KRAS: variants seen among roughly 807,000 people sequenced by gnomAD.
KRAS encodes KRas proto-oncogene, GTPase.
Under a neutral mutation model 21.0 loss-of-function variants are expected in KRAS, and 1 was observed. The observed-to-expected ratio is 0.05, with a 90% CI of 0.02 to 0.23. The LOEUF (loss-of-function observed/expected upper bound fraction) is 0.23, where lower values mean the gene tolerates loss of function less well. KRAS is among the 10% of genes least tolerant of loss of function. The pLI is 1.00. For missense variants in KRAS, 107 were observed against 221.8 expected (o/e 0.48, Z 3.29); for synonymous variants, 67 against 72.5 (o/e 0.92, Z 0.39).
intron 2 of KRAS, among the ~76,000 whole-genome samples, chr12:25,238,828 A>AT: frequency 6.6e-6 from 1 of 152,314 alleles, no homozygotes; most frequent in Admixed American, 6.5e-5. Context: ...GATGATTTCC[A>AT]TTTTTTTAAA....
At chr12:25,223,230 AAAC>A (rs1372206786) in intron 4 of KRAS, among the ~76,000 whole-genome samples, 2 of 152,188 alleles carry the variant, frequency 1.3e-5, no homozygotes, top group African/African-American at 4.8e-5. Context: ...AGCAAATATA[AAAC>A]AACAATGGTA....
At chr12:25,250,032 C>T (rs1951744295) in intron 1 of KRAS, among the ~76,000 whole-genome samples, 1 of 152,114 alleles carries the variant, frequency 6.6e-6, no homozygotes, top group Admixed American at 6.5e-5. Flanking sequence ...CCACCTCCTC[C>T]TTTGTGGCCA....
chr12:25,211,591 CA>C (rs978028188), intron 4 of KRAS, among the ~76,000 whole-genome samples: 4 of 151,690 alleles, frequency 2.6e-5, no homozygotes, highest in Admixed American at 2.0e-4. Context: ...GAAAAAAAAA[CA>C]AAAAATGTTA....
chr12:25,247,027 T>C (rs1297239734), intron 1 of KRAS, among the ~76,000 whole-genome samples: 2 of 152,222 alleles, frequency 1.3e-5, no homozygotes, highest in African/African-American at 2.4e-5. Flanking sequence ...ATTGACAGAT[T>C]GTATAACAAA....
At chr12:25,212,834 C>T (rs11047897) in intron 4 of KRAS, among the ~76,000 whole-genome samples, 74,667 of 151,724 alleles carry the variant, frequency 0.49, 19,287 homozygotes, top group East Asian at 0.8. Flanking sequence ...GCAGTCCTCG[C>T]GCTGTGGACT....
chr12:25,238,270 T>C (rs1032810016), intron 2 of KRAS, among the ~76,000 whole-genome samples: 1 of 152,134 alleles, frequency 6.6e-6, no homozygotes. Context: ...AAAATAACGA[T>C]ATAATGAGCA....
chr12:25,227,516 A>G, intron 2 of KRAS, 104 bp from the exon 3 acceptor site: 1 of 994,928 alleles, frequency 1.0e-6, no homozygotes, highest in Non-Finnish European at 1.5e-6. Flanking sequence ...AAAAATGGGC[A>G]AAGGACTTGA....
chr12:25,230,627 C>A (rs1951454466), intron 2 of KRAS, among the ~76,000 whole-genome samples: 1 of 151,906 alleles, frequency 6.6e-6, no homozygotes, highest in Non-Finnish European at 1.5e-5. Context: ...AAACTCTGTC[C>A]CAAAAAAGAC....
In KRAS at chr12:25,250,875, CGCCGCCGCCACT is replaced by C. The variant is rs727504386; in HGVS notation, c.-148_-137del. 39 of 249,220 alleles carry C rather than the reference CGCCGCCGCCACT, an allele frequency of 1.6e-4. No individual in the cohort carries two copies. Among genetic ancestry groups the C allele is most frequent in the Admixed American group, 2.9e-4 (5 of 17,346 alleles). 15.4% of individuals were successfully genotyped at this position (249,220 alleles called of 1,614,324 possible). A position where few individuals can be genotyped will look rare whatever the true frequency, so the allele number is the denominator to read the frequency against. On this transcript the variant is annotated 5_prime_UTR_variant, in exon 1 of 5. Transcript: ENST00000311936. ...GTACTGGCCGAGCCGCCGCCACCTT[CGCCGCCGCCACT>C]GCCGCCGCCGCTGCTGCCTCCGCCG...
chr12:25,239,483 T>G (rs1260181987), intron 2 of KRAS, among the ~76,000 whole-genome samples: 1 of 152,198 alleles, frequency 6.6e-6, no homozygotes, highest in Non-Finnish European at 1.5e-5. Flanking sequence ...TAAAGTTAAA[T>G]CACTCAATCT....
Position 25,208,058 on chromosome 12 carries a change from C to T in KRAS, c.*1737G>A, listed in dbSNP as rs998049201. ...AACTTCACCTCTTGCACAATTTTGC[C>T]CAAGACTGGCACTGAAGATGGTGTA... On this transcript the variant is annotated 3_prime_UTR_variant, in exon 5 of 5. Transcript: ENST00000311936. 4.3e-6 allele frequency: 1 copy of T among 233,180 alleles called. No individual in the cohort carries two copies. The highest frequency in any genetic ancestry group is 5.6e-5 in the Admixed American group (1 of 17,758). 14.4% of individuals were successfully genotyped at this position (233,180 alleles called of 1,614,324 possible).
chr12:25,213,727 G>T (rs930201090), intron 4 of KRAS, among the ~76,000 whole-genome samples: 6 of 152,266 alleles, frequency 3.9e-5, no homozygotes, highest in African/African-American at 1.4e-4. Flanking sequence ...AGTAGTTTTT[G>T]AAAACTGTAA....
At chr12:25,229,474 CT>C (rs1951437602) in intron 2 of KRAS, among the ~76,000 whole-genome samples, 1 of 152,026 alleles carries the variant, frequency 6.6e-6, no homozygotes, top group South Asian at 2.1e-4. Context: ...CCTCTTTTTT[CT>C]TTTCTAAAAA....
In KRAS at chr12:25,208,994, T is replaced by A. The variant is rs1394398107; in HGVS notation, c.*801A>T. 2.0e-5 allele frequency: 7 copies of A among 349,200 alleles called. No individual in the cohort carries two copies. Among genetic ancestry groups the A allele is most frequent in the Non-Finnish European group, 3.6e-5 (7 of 196,328 alleles). The allele number at this position is 349,200 out of a possible 1,614,324, so 21.6% of individuals were successfully genotyped here. On this transcript the variant is annotated 3_prime_UTR_variant, in exon 5 of 5. Coordinates refer to ENST00000311936, the MANE Select transcript of KRAS (RefSeq NM_004985.5). ...GAATTTTTTATACTTGTTAAAATCTTTTCAATTATTATAAAAATTTAGTAG... is the reference window on the plus strand; with the variant it reads ...GAATTTTTTATACTTGTTAAAATCTATTCAATTATTATAAAAATTTAGTAG...
At chr12:25,215,379 G>T (rs1951242213) in intron 4 of KRAS, 1 of 1,608,194 alleles carries the variant, frequency 6.2e-7, no homozygotes. Context: ...TTGCCACCTT[G>T]TTACCTTTAA....
intron 1 of KRAS, among the ~76,000 whole-genome samples, chr12:25,246,744 G>A (rs553099356): frequency 1.7e-4 from 25 of 151,238 alleles, no homozygotes; most frequent in Admixed American, 1.3e-3. Flanking sequence ...GTGAAACCCC[G>A]TCTCTACTAA....
chr12:25,246,559 A>G (rs1951684235), intron 1 of KRAS, among the ~76,000 whole-genome samples: 1 of 151,072 alleles, frequency 6.6e-6, no homozygotes, highest in South Asian at 2.1e-4. Flanking sequence ...CTCCATCTCA[A>G]AACAAACAAA....
chr12:25,230,952 A>T (rs972196807), intron 2 of KRAS, among the ~76,000 whole-genome samples: 10 of 152,178 alleles, frequency 6.6e-5, no homozygotes, highest in Admixed American at 1.3e-4. Flanking sequence ...ACAAATTAAA[A>T]ACCATTCTAA....
intron 2 of KRAS, among the ~76,000 whole-genome samples, chr12:25,227,679 C>CA (rs1247894608): frequency 6.6e-6 from 1 of 151,784 alleles, no homozygotes; most frequent in African/African-American, 2.4e-5. Flanking sequence ...AAAAACAAAA[C>CA]AAAAAAACTC....
Sources: gnomAD v4.1 joint callset for allele counts (sites outside exome capture counted in the v4.1 genomes callset) on GRCh38, gnomAD v4.1.1 for gene constraint, MANE v1.5 for transcripts, NCBI Gene and HGNC (gene_info 2026-07-23, HGNC 2026-07-21) for gene names.